CADPS: variants seen among roughly 807,000 people sequenced by gnomAD.
The protein encoded by CADPS is calcium dependent secretion activator.
CADPS carries 57 observed loss-of-function variants against 167.3 expected under a neutral mutation model. The ratio of observed to expected loss-of-function variants is 0.34; its 90% CI spans 0.28 to 0.42. CADPS has a LOEUF of 0.42. Ranked by LOEUF, CADPS falls within the 20% of genes least tolerant of loss-of-function variation. The pLI, the probability that CADPS is intolerant of heterozygous loss-of-function variation, is 1.00. For missense variants in CADPS, 1,414 were observed against 1,738.1 expected (o/e 0.81, Z 3.32); for synonymous variants, 676 against 635.3 (o/e 1.06, Z -0.96).
chr3:62,720,001 C>T (rs926522883), intron 3 of CADPS, among the ~76,000 whole-genome samples: 3 of 152,108 alleles, frequency 2.0e-5, no homozygotes, highest in Admixed American at 6.6e-5. Flanking sequence ...GGGGCTGCAC[C>T]ATCAGCCTGG....
intron 1 of CADPS, among the ~76,000 whole-genome samples, chr3:62,809,095 A>G (rs987782570): frequency 2.6e-5 from 4 of 152,150 alleles, no homozygotes; most frequent in Admixed American, 1.3e-4. Flanking sequence ...ACCTCTGTAC[A>G]TCTGCACTGC....
chr3:62,462,583 G>A (rs916310429), intron 26 of CADPS, among the ~76,000 whole-genome samples: 4 of 152,224 alleles, frequency 2.6e-5, no homozygotes, highest in Non-Finnish European at 4.4e-5. Flanking sequence ...CTCTGCTGAG[G>A]TGGGGACGTG....
intron 4 of CADPS, among the ~76,000 whole-genome samples, chr3:62,661,365 AG>A (rs76349921): frequency 0.26 from 38,934 of 152,036 alleles, 6,429 homozygotes; most frequent in East Asian, 0.69. Context: ...AAGGCTGAGT[AG>A]GTGAGTTTGC....
intron 3 of CADPS, among the ~76,000 whole-genome samples, chr3:62,717,357 C>A (rs1182805161): frequency 6.6e-6 from 1 of 152,148 alleles, no homozygotes; most frequent in Non-Finnish European, 1.5e-5. Context: ...AACCCAATAA[C>A]CCAATCATAT....
intron 6 of CADPS, among the ~76,000 whole-genome samples, chr3:62,600,500 G>A (rs1422822628): frequency 5.3e-5 from 8 of 152,160 alleles, no homozygotes; most frequent in Non-Finnish European, 1.5e-5. Context: ...TCCTGTAAGA[G>A]GGTGGCAAAT....
intron 6 of CADPS, among the ~76,000 whole-genome samples, chr3:62,595,832 G>C (rs1170150908): frequency 6.6e-6 from 1 of 152,034 alleles, no homozygotes; most frequent in African/African-American, 2.4e-5. Context: ...TAATCTGGTG[G>C]ACACAATCTA....
intron 10 of CADPS, among the ~76,000 whole-genome samples, chr3:62,552,110 T>C (rs766489232): frequency 8.1e-4 from 123 of 151,466 alleles, no homozygotes; most frequent in African/African-American, 2.0e-3. Flanking sequence ...TCTTTTTCCA[T>C]GGGCAGTTCT....
At chr3:62,471,864 T>C (rs908119037) in intron 24 of CADPS, among the ~76,000 whole-genome samples, 1 of 151,714 alleles carries the variant, frequency 6.6e-6, no homozygotes, top group African/African-American at 2.4e-5. Context: ...TGGGAGAAAA[T>C]AGTTGCAAAT....
chr3:62,571,031 A>T, intron 8 of CADPS, 93 bp from the exon 9 acceptor site: 1 of 867,348 alleles, frequency 1.2e-6, no homozygotes, highest in Non-Finnish European at 2.0e-6. Flanking sequence ...CTTATAAACA[A>T]GGAAACGCAC....
chr3:62,710,122 C>T (rs889723762), intron 3 of CADPS, among the ~76,000 whole-genome samples: 3 of 151,882 alleles, frequency 2.0e-5, no homozygotes, highest in Non-Finnish European at 4.4e-5. Context: ...TACTTTATTC[C>T]GTTAATTAAA....
At chr3:62,853,405 A>C (rs2079008734) in intron 1 of CADPS, among the ~76,000 whole-genome samples, 1 of 151,576 alleles carries the variant, frequency 6.6e-6, no homozygotes, top group Non-Finnish European at 1.5e-5. Context: ...TGGATGGGTC[A>C]CCTGAGGTCA....
At chr3:62,682,124 G>A (rs2077238508) in intron 3 of CADPS, among the ~76,000 whole-genome samples, 1 of 152,080 alleles carries the variant, frequency 6.6e-6, no homozygotes, top group Non-Finnish European at 1.5e-5. Context: ...ATTTGGAAAG[G>A]TAGAGCCTTC....
At chr3:62,638,163 C>T (rs1278564788) in intron 6 of CADPS, among the ~76,000 whole-genome samples, 3 of 151,266 alleles carry the variant, frequency 2.0e-5, no homozygotes, top group Admixed American at 6.6e-5. Flanking sequence ...AAGCAGCCTG[C>T]CCACTCACAC....
At chr3:62,727,503 T>C (rs912244585) in intron 3 of CADPS, among the ~76,000 whole-genome samples, 2 of 151,934 alleles carry the variant, frequency 1.3e-5, no homozygotes, top group East Asian at 1.9e-4. Context: ...TCCATAGCAA[T>C]AGTCACAGAC....
chr3:62,815,436 A>G (rs1417110657), intron 1 of CADPS, among the ~76,000 whole-genome samples: 4 of 151,836 alleles, frequency 2.6e-5, no homozygotes, highest in African/African-American at 9.7e-5. Context: ...GGGGTGGGGG[A>G]GAAGTGACTG....
intron 18 of CADPS, among the ~76,000 whole-genome samples, chr3:62,497,992 C>G (rs1285580859): frequency 6.6e-6 from 1 of 152,150 alleles, no homozygotes; most frequent in African/African-American, 2.4e-5. Context: ...GTCACCCATT[C>G]CACAAGCAGT....
chr3:62,853,623 TAAAA>T (rs71126559), intron 1 of CADPS, among the ~76,000 whole-genome samples: 2 of 118,260 alleles, frequency 1.7e-5, no homozygotes, highest in South Asian at 5.4e-4. Flanking sequence ...AAAACTCCAC[TAAAA>T]AAAAAAAAAA....
At chr3:62,795,223 C>T (rs546915150) in intron 1 of CADPS, among the ~76,000 whole-genome samples, 2 of 152,266 alleles carry the variant, frequency 1.3e-5, no homozygotes, top group Admixed American at 1.3e-4. Flanking sequence ...GGCAAAACCT[C>T]ACCCTTCTGG....
At chr3:62,797,994 T>A (rs2093544424) in intron 1 of CADPS, among the ~76,000 whole-genome samples, 1 of 152,166 alleles carries the variant, frequency 6.6e-6, no homozygotes, top group South Asian at 2.1e-4. Flanking sequence ...ATACTGAGCA[T>A]CTGCTGTGTT....
Sources: gnomAD v4.1 joint callset for allele counts (sites outside exome capture counted in the v4.1 genomes callset) on GRCh38, gnomAD v4.1.1 for gene constraint, MANE v1.5 for transcripts, NCBI Gene and HGNC (gene_info 2026-07-23, HGNC 2026-07-21) for gene names.